Variants in SGMS1 observed in about 807,000 individuals in gnomAD.
SGMS1 encodes the protein sphingomyelin synthase 1, also known as phosphatidylcholine:ceramide cholinephosphotransferase 1.
In SGMS1, 13 loss-of-function variants were observed where a neutral mutation model predicts 46.2. The observed-to-expected ratio is 0.28, with a 90% CI of 0.18 to 0.45. The LOEUF (loss-of-function observed/expected upper bound fraction) is 0.45, where lower values mean the gene tolerates loss of function less well. Among genes scored for constraint, SGMS1 ranks in the 20% least tolerant of loss-of-function variants. The probability of loss-of-function intolerance (pLI) is 1.00; values close to 1 mark genes in which losing one functional copy is unlikely to be tolerated. For missense variants in SGMS1, 324 were observed against 519.9 expected (o/e 0.62, Z 3.66); for synonymous variants, 203 against 187.8 (o/e 1.08, Z -0.66).
Position 50,616,985 on chromosome 10 carries a change from A to G in SGMS1, c.-684+6722T>C, listed in dbSNP as rs186736787. ...TTCCAAAATGCATATGGAAGTATAA[A>G]CATCCACAAATAACCAAGTCAAAGT... On this transcript the variant is annotated intron_variant, in intron 1 of 10. Transcript: ENST00000361781. Among the ~76,000 whole-genome samples the G allele has an allele frequency of 2.5e-4, 38 of 152,338 alleles. No homozygotes were observed. The East Asian group carries it at 7.3e-3, about 29-fold the overall frequency.
chr10:50,580,277 G>T (rs187459768), intron 2 of SGMS1, among the ~76,000 whole-genome samples: 217 of 152,120 alleles, frequency 1.4e-3, no homozygotes, highest in Non-Finnish European at 1.8e-3. Flanking sequence ...AAAATCAAAG[G>T]TGTATGACTG....
intron 3 of SGMS1, among the ~76,000 whole-genome samples, chr10:50,490,589 A>T (rs1035390755): frequency 6.6e-6 from 1 of 152,234 alleles, no homozygotes; most frequent in Non-Finnish European, 1.5e-5. Flanking sequence ...TTTAATTCTA[A>T]GTCTCAAATT....
At chr10:50,505,118 A>C (rs536301841) in intron 3 of SGMS1, among the ~76,000 whole-genome samples, 10 of 152,180 alleles carry the variant, frequency 6.6e-5, no homozygotes, top group Non-Finnish European at 1.2e-4. Context: ...TGGGAGGGTG[A>C]GGTGGGAGGA....
At chr10:50,575,570 G>T (rs1838376699) in intron 2 of SGMS1, among the ~76,000 whole-genome samples, 1 of 151,948 alleles carries the variant, frequency 6.6e-6, no homozygotes, top group Non-Finnish European at 1.5e-5. Flanking sequence ...TAAAAAGAGG[G>T]TATATCTCAC....
chr10:50,495,335 C>G (rs576926862), intron 3 of SGMS1, among the ~76,000 whole-genome samples: 1 of 150,110 alleles, frequency 6.7e-6, no homozygotes, highest in South Asian at 2.1e-4. Flanking sequence ...CTGTACTTCT[C>G]TGAAATAAAA....
At chr10:50,355,715 C>T (rs1336606139) in intron 6 of SGMS1, among the ~76,000 whole-genome samples, 3 of 152,138 alleles carry the variant, frequency 2.0e-5, no homozygotes, top group Non-Finnish European at 2.9e-5. Context: ...AAGTGAGGAG[C>T]GCCTCTGCCT....
Position 50,602,622 on chromosome 10 carries a change from T to TA in SGMS1, c.-683-12376dup, listed in dbSNP as rs1395234636. 2.6e-5 allele frequency among the ~76,000 whole-genome samples: 4 copies of TA among 152,174 alleles called. No individual in the cohort carries two copies. The East Asian group carries it at 7.7e-4, about 29-fold the overall frequency. ...ACTGAGACAGCAAGGTCCCTGAACTTACACTGAAAATGTGATGTTTATTTT... is the reference window on the plus strand; with the variant it reads ...ACTGAGACAGCAAGGTCCCTGAACTTAACACTGAAAATGTGATGTTTATTTT... On this transcript the variant is annotated intron_variant, in intron 1 of 10. Transcript: ENST00000361781.
intron 7 of SGMS1, among the ~76,000 whole-genome samples, chr10:50,331,772 G>A (rs187443749): frequency 1.3e-5 from 2 of 152,134 alleles, no homozygotes; most frequent in African/African-American, 4.8e-5. Flanking sequence ...CACAAGGGCA[G>A]GGTCCTCAGG....
At position 50,307,466 on chromosome 10, in the gene SGMS1, C is replaced by G. The variant is rs927533691; in HGVS notation, c.1063-145G>C. On this transcript the variant is annotated intron_variant, in intron 10 of 10. Transcript: ENST00000361781. This position sits in a 1 kb window ranked among gnomAD's most constrained non-coding sequence, Gnocchi z 4.2. ...CCAGCTTCTCTCTCTCATCACCATT[C>G]TACACTCCACATTCATCTACAAACT... The G allele has an allele frequency of 3.1e-6, 2 of 650,400 alleles. 1 individual carries two copies. The highest frequency in any genetic ancestry group is 4.2e-5 in the South Asian group (2 of 47,146). 40.3% of individuals were successfully genotyped at this position (650,400 alleles called of 1,614,324 possible).
At position 50,574,877 on chromosome 10, in the gene SGMS1, A is replaced by G. The variant is rs554889444; in HGVS notation, c.-589+15276T>C. Among the ~76,000 whole-genome samples, 26 of 151,048 alleles carry G rather than the reference A, an allele frequency of 1.7e-4. No homozygotes were observed. In the South Asian group the frequency reaches 5.4e-3, roughly 32 times the overall value. ...GATCTGATCACACCACATCATATGT[A>G]TTGAAATCTCACTATGTATCCCATA... On this transcript the variant is annotated intron_variant, in intron 2 of 10. Coordinates refer to ENST00000361781, the MANE Select transcript of SGMS1 (RefSeq NM_147156.4).
At chr10:50,346,066 C>T (rs1847907513) in intron 6 of SGMS1, among the ~76,000 whole-genome samples, 1 of 152,142 alleles carries the variant, frequency 6.6e-6, no homozygotes. Flanking sequence ...TGAAATGTGG[C>T]CTTTGGCAGA....
chr10:50,379,491 A>T (rs866733324), intron 6 of SGMS1, among the ~76,000 whole-genome samples: 8 of 152,136 alleles, frequency 5.3e-5, no homozygotes, highest in South Asian at 4.1e-4. Context: ...ACATCTAGAA[A>T]CATATACATA....
chr10:50,313,228 A>G (rs1402092251), intron 8 of SGMS1, among the ~76,000 whole-genome samples: 1 of 152,142 alleles, frequency 6.6e-6, no homozygotes, highest in Admixed American at 6.5e-5. Flanking sequence ...ATGGGGTCGG[A>G]GGGTAGGGAT....
intron 3 of SGMS1, among the ~76,000 whole-genome samples, chr10:50,508,744 G>A (rs1033752815): frequency 2.6e-5 from 4 of 152,160 alleles, no homozygotes; most frequent in African/African-American, 9.7e-5. Context: ...GAAGTTGTCG[G>A]TGAAGTTCTT....
intron 5 of SGMS1, among the ~76,000 whole-genome samples, chr10:50,442,528 G>T (rs1849559664): frequency 6.6e-6 from 1 of 152,062 alleles, no homozygotes; most frequent in South Asian, 2.1e-4. Context: ...CTGTTCTTTT[G>T]GATGGCTGCA....
intron 6 of SGMS1, among the ~76,000 whole-genome samples, chr10:50,372,147 G>A (rs1475325410): frequency 6.6e-6 from 1 of 152,108 alleles, no homozygotes; most frequent in Non-Finnish European, 1.5e-5. Context: ...AGCTAGCACG[G>A]TGCCCGGCAC....
intron 6 of SGMS1, among the ~76,000 whole-genome samples, chr10:50,375,859 A>C (rs777908240): frequency 2.6e-5 from 4 of 152,004 alleles, no homozygotes; most frequent in Non-Finnish European, 4.4e-5. Context: ...TTCCCTAACT[A>C]GTTTTCCTCA....
At chr10:50,349,538 T>C (rs539478768) in intron 6 of SGMS1, among the ~76,000 whole-genome samples, 19 of 85,088 alleles carry the variant, frequency 2.2e-4, no homozygotes, top group Non-Finnish European at 3.7e-4. Context: ...CCTACTGATA[T>C]AGCTTGGCTG....
At chr10:50,575,002 A>G (rs1838371053) in intron 2 of SGMS1, among the ~76,000 whole-genome samples, 2 of 90,906 alleles carry the variant, frequency 2.2e-5, no homozygotes, top group Non-Finnish European at 5.6e-5. Context: ...AGTATTACTC[A>G]GCCTTAAAAA....
Sources: gnomAD v4.1 joint callset for allele counts (sites outside exome capture counted in the v4.1 genomes callset) on GRCh38, gnomAD v4.1.1 for gene constraint, Gnocchi (gnomAD v3.1) non-coding constraint, MANE v1.5 for transcripts, NCBI Gene and HGNC (gene_info 2026-07-23, HGNC 2026-07-21) for gene names.